TMEM117: variants seen among roughly 807,000 people sequenced by gnomAD.
TMEM117 encodes transmembrane protein 117.
A neutral mutation model predicts 52.4 loss-of-function variants in TMEM117; 27 were observed. That is an observed-to-expected ratio of 0.51 (90% confidence interval 0.38 to 0.71). The LOEUF (loss-of-function observed/expected upper bound fraction) is 0.71, where lower values mean the gene tolerates loss of function less well. Among genes scored for constraint, TMEM117 ranks in the 30% least tolerant of loss-of-function variants. The pLI is 0.00. For synonymous variants in TMEM117, 215 were observed against 206.3 expected, an observed-to-expected ratio of 1.04 and a Z score of -0.36; for missense variants, 556 against 630.5, an observed-to-expected ratio of 0.88 and a Z score of 1.26.
intron 4 of TMEM117, among the ~76,000 whole-genome samples, chr12:44,203,310 C>G (rs1165113209): frequency 6.6e-6 from 1 of 151,956 alleles, no homozygotes; most frequent in African/African-American, 2.4e-5. Flanking sequence ...GATAATGTCC[C>G]TTTTGTCATT....
intron 5 of TMEM117, among the ~76,000 whole-genome samples, chr12:44,225,237 T>A (rs1592621283): frequency 6.6e-6 from 1 of 152,306 alleles, no homozygotes; most frequent in East Asian, 1.9e-4. Flanking sequence ...TATAGTTGGC[T>A]GGGATTCTCT....
chr12:43,991,768 T>A (rs1280413674), intron 3 of TMEM117, among the ~76,000 whole-genome samples: 1 of 152,104 alleles, frequency 6.6e-6, no homozygotes, highest in Non-Finnish European at 1.5e-5. Context: ...TACATCTTAT[T>A]TTGTTTTCCA....
intron 7 of TMEM117, among the ~76,000 whole-genome samples, chr12:44,387,341 A>T (rs1229572718): frequency 6.6e-6 from 1 of 151,872 alleles, no homozygotes; most frequent in Non-Finnish European, 1.5e-5. Context: ...ATAAGATTTT[A>T]AATATTAAAA....
chr12:43,832,851 A>T (rs1484600586), upstream of TMEM117, among the ~76,000 whole-genome samples: 1 of 152,242 alleles, frequency 6.6e-6, no homozygotes, highest in Non-Finnish European at 1.5e-5. Context: ...CTCCGTGTTT[A>T]GCAGCTATCT....
intron 4 of TMEM117, among the ~76,000 whole-genome samples, chr12:44,206,429 G>A (rs1291919296): frequency 6.6e-6 from 1 of 152,182 alleles, no homozygotes; most frequent in Admixed American, 6.5e-5. Flanking sequence ...CTCATGGCCT[G>A]TTTATGGCCA....
chr12:44,324,420 C>G (rs1477143297), intron 6 of TMEM117, among the ~76,000 whole-genome samples: 2 of 151,968 alleles, frequency 1.3e-5, no homozygotes, highest in Non-Finnish European at 2.9e-5. Context: ...GCTGTATTAA[C>G]GGAAGTGTCC....
intron 2 of TMEM117, among the ~76,000 whole-genome samples, chr12:43,941,461 T>C (rs1392505149): frequency 6.6e-6 from 1 of 152,208 alleles, no homozygotes; most frequent in African/African-American, 2.4e-5. Flanking sequence ...AAACCACATA[T>C]ATAGTCACCC....
chr12:43,974,693 T>C (rs981939433), intron 3 of TMEM117, among the ~76,000 whole-genome samples: 3 of 152,170 alleles, frequency 2.0e-5, no homozygotes, highest in Non-Finnish European at 2.9e-5. Context: ...ATTTTTGATG[T>C]CTGTTATTCC....
intron 3 of TMEM117, among the ~76,000 whole-genome samples, chr12:43,965,736 A>G (rs10785486): frequency 0.95 from 145,170 of 152,222 alleles, 69,600 homozygotes; most frequent in East Asian, 1. Context: ...GCACTTCACT[A>G]TTTTTTCTTT....
At chr12:44,021,943 C>T (rs993364142) in intron 3 of TMEM117, among the ~76,000 whole-genome samples, 5 of 152,152 alleles carry the variant, frequency 3.3e-5, no homozygotes, top group African/African-American at 1.2e-4. Context: ...CTGTGGTCAA[C>T]CCCCAAATCC....
At chr12:43,902,630 A>G (rs533509187) in intron 2 of TMEM117, among the ~76,000 whole-genome samples, 1 of 152,130 alleles carries the variant, frequency 6.6e-6, no homozygotes, top group African/African-American at 2.4e-5. Flanking sequence ...CAGACAGACC[A>G]TGGTAGTATC....
intron 3 of TMEM117, among the ~76,000 whole-genome samples, chr12:44,015,607 G>A (rs1946362572): frequency 6.6e-6 from 1 of 152,100 alleles, no homozygotes; most frequent in South Asian, 2.1e-4. Context: ...AGTTGTACAG[G>A]AAGTCCTCAA....
chr12:44,128,127 C>A (rs1328679705), intron 3 of TMEM117, among the ~76,000 whole-genome samples: 1 of 152,198 alleles, frequency 6.6e-6, no homozygotes, highest in Admixed American at 6.5e-5. Flanking sequence ...GGGACATATC[C>A]TCTGCCTCTC....
chr12:43,806,459 GC>G, the TMEM117 span: 1 of 1,005,694 alleles, frequency 9.9e-7, no homozygotes, highest in East Asian at 5.2e-5. Flanking sequence ...CCCCGGCCTC[GC>G]TATCCTAGTT....
intron 2 of TMEM117, among the ~76,000 whole-genome samples, chr12:43,929,498 G>T (rs961542724): frequency 5.3e-5 from 8 of 152,026 alleles, no homozygotes; most frequent in African/African-American, 1.4e-4. Context: ...GTCATAAACT[G>T]AAATTCCACA....
chr12:43,971,713 C>T (rs1329836703), intron 3 of TMEM117, among the ~76,000 whole-genome samples: 2 of 152,168 alleles, frequency 1.3e-5, no homozygotes, highest in African/African-American at 4.8e-5. Context: ...ATGTCCCTCC[C>T]ACCTCCAGTA....
intron 3 of TMEM117, among the ~76,000 whole-genome samples, chr12:44,099,816 G>C (rs577495597): frequency 6.6e-6 from 1 of 151,924 alleles, no homozygotes; most frequent in Non-Finnish European, 1.5e-5. Context: ...ACTTTGAGAA[G>C]TCCACCAAAA....
At position 43,842,721 on chromosome 12, in the gene TMEM117, A is replaced by AACAC. The variant is rs145707134; in HGVS notation, c.-28-1886_-28-1883dup. Among the ~76,000 whole-genome samples, 642 of 149,822 alleles carry AACAC rather than the reference A, an allele frequency of 4.3e-3. 8 individuals carry two copies. The highest frequency in any genetic ancestry group is 0.014 in the African/African-American group (587 of 41,032). On this transcript the variant is annotated intron_variant, in intron 1 of 7. Coordinates refer to ENST00000266534, the MANE Select transcript of TMEM117 (RefSeq NM_032256.3). ...CAGGGTTTATAAAGGATTCTTTCTC[A>AACAC]ACACACACACACACACACACGTGCA...
intron 3 of TMEM117, among the ~76,000 whole-genome samples, chr12:44,141,425 G>C (rs1948570134): frequency 6.6e-6 from 1 of 151,916 alleles, no homozygotes; most frequent in Non-Finnish European, 1.5e-5. Flanking sequence ...TGTGGTCGTG[G>C]TTTTGGTTTT....
Sources: gnomAD v4.1 joint callset for allele counts (sites outside exome capture counted in the v4.1 genomes callset) on GRCh38, gnomAD v4.1.1 for gene constraint, MANE v1.5 for transcripts, NCBI Gene and HGNC (gene_info 2026-07-23, HGNC 2026-07-21) for gene names.